SULF1: variants seen among roughly 807,000 people sequenced by gnomAD.
SULF1 encodes extracellular sulfatase Sulf-1.
Under a neutral mutation model 110.5 loss-of-function variants are expected in SULF1, and 46 were observed. The ratio of observed to expected loss-of-function variants is 0.42; its 90% CI spans 0.33 to 0.53. The LOEUF is 0.53. Among genes scored for constraint, SULF1 ranks in the 20% least tolerant of loss-of-function variants. SULF1 has a pLI of 0.12. For synonymous variants in SULF1, 371 were observed against 387.1 expected (o/e 0.96, Z 0.49); for missense variants, 941 against 1,094.2 (o/e 0.86, Z 1.98).
intron 3 of SULF1, among the ~76,000 whole-genome samples, chr8:69,534,531 C>A (rs959105592): frequency 2.2e-4 from 33 of 152,110 alleles, no homozygotes; most frequent in African/African-American, 7.7e-4. Context: ...TATATAAGAA[C>A]AAGTATTCCT....
At chr8:69,552,529 A>T (rs1455005968) in intron 3 of SULF1, among the ~76,000 whole-genome samples, 1 of 152,240 alleles carries the variant, frequency 6.6e-6, no homozygotes, top group Non-Finnish European at 1.5e-5. Context: ...GTGGTACATA[A>T]GGACATTTTT....
chr8:69,477,178 A>G (rs1415358015), intron 1 of SULF1, among the ~76,000 whole-genome samples: 2 of 152,224 alleles, frequency 1.3e-5, no homozygotes, highest in Admixed American at 6.5e-5. Flanking sequence ...TAAGTAGAGA[A>G]GTCAGAAAAA....
chr8:69,537,372 C>A (rs1012068544), intron 3 of SULF1, among the ~76,000 whole-genome samples: 4 of 152,172 alleles, frequency 2.6e-5, no homozygotes, highest in African/African-American at 7.2e-5. Flanking sequence ...TCATACATTT[C>A]TTTTTAATAA....
chr8:69,563,063 G>C (rs552379048), intron 3 of SULF1: 49 of 152,344 alleles, frequency 3.2e-4, no homozygotes, highest in African/African-American at 1.2e-3. Flanking sequence ...GACTCTCCGG[G>C]GTAGAGAATG....
chr8:69,601,106 A>G (rs942347762), intron 9 of SULF1, among the ~76,000 whole-genome samples: 5 of 152,252 alleles, frequency 3.3e-5, no homozygotes, highest in African/African-American at 4.8e-5. Context: ...GCAATTACTC[A>G]GCTCCAGCTA....
At chr8:69,517,399 TGTAA>T in intron 3 of SULF1, among the ~76,000 whole-genome samples, 1 of 152,348 alleles carries the variant, frequency 6.6e-6, no homozygotes, top group African/African-American at 2.4e-5. Flanking sequence ...TCTCAGCTTT[TGTAA>T]GAAGAATAAA....
intron 22 of SULF1, among the ~76,000 whole-genome samples, chr8:69,656,787 G>T (rs970437844): frequency 2.0e-5 from 3 of 152,130 alleles, no homozygotes; most frequent in South Asian, 2.1e-4. Context: ...GAACATACAC[G>T]TGCATATGTC....
Position 69,588,933 on chromosome 8 carries a change from CT to C in SULF1, c.565-35del, listed in dbSNP as rs570761858. On this transcript the variant is annotated intron_variant, in intron 7 of 22. Coordinates refer to ENST00000402687, the MANE Select transcript of SULF1 (RefSeq NM_001128205.2). ...TCAAATGCGATCTGATGAATGTCAC[CT>C]TTTGTAATTTTTGTTTTGTGTCAAA... The C allele has an allele frequency of 3.1e-4, 498 of 1,586,770 alleles. No individual in the cohort carries two copies. In the African/African-American group the frequency reaches 4.3e-3, roughly 14 times the overall value.
chr8:69,503,101 G>A (rs1430445343), intron 3 of SULF1, among the ~76,000 whole-genome samples: 1 of 152,156 alleles, frequency 6.6e-6, no homozygotes, highest in Non-Finnish European at 1.5e-5. Context: ...AGTCTGGCCC[G>A]AATTTCAGGT....
At chr8:69,584,109 A>G (rs1216321069) in intron 6 of SULF1, among the ~76,000 whole-genome samples, 1 of 152,214 alleles carries the variant, frequency 6.6e-6, no homozygotes, top group African/African-American at 2.4e-5. Flanking sequence ...GCAGGCAATG[A>G]GGGTAATCTG....
At chr8:69,653,304 ACGCAATCCTC>A (rs1812492872) in intron 22 of SULF1, among the ~76,000 whole-genome samples, 1 of 152,174 alleles carries the variant, frequency 6.6e-6, no homozygotes, top group Non-Finnish European at 1.5e-5. Context: ...TCCTGGGCTC[ACGCAATCCTC>A]CCATCTCAGC....
intron 15 of SULF1, among the ~76,000 whole-genome samples, chr8:69,625,448 C>T (rs546721908): frequency 2.0e-5 from 3 of 152,296 alleles, no homozygotes; most frequent in Admixed American, 2.0e-4. Flanking sequence ...TGCGGACCCT[C>T]GTGGTGAGTG....
rs371263411 is a variant in SULF1, at chr8:69,615,616, ATG to A, written c.1378-5413_1378-5412del. On this transcript the variant is annotated intron_variant, in intron 13 of 22. Coordinates refer to ENST00000402687, the MANE Select transcript of SULF1 (RefSeq NM_001128205.2). ...ATGTATGGATAATATGTTTGTATGC[ATG>A]TGTGTAGACATATATGCATATATGT... 5.5e-3 allele frequency among the ~76,000 whole-genome samples: 844 copies of A among 152,290 alleles called. 7 individuals are homozygous for A. The highest frequency in any genetic ancestry group is 0.019 in the African/African-American group (798 of 41,568).
At chr8:69,539,817 G>A (rs1199728305) in intron 3 of SULF1, among the ~76,000 whole-genome samples, 3 of 152,182 alleles carry the variant, frequency 2.0e-5, no homozygotes, top group Admixed American at 6.5e-5. Flanking sequence ...CCATTTTGGT[G>A]GAAGTGGAGT....
At chr8:69,651,448 T>C (rs1812340353) in intron 22 of SULF1, among the ~76,000 whole-genome samples, 1 of 152,230 alleles carries the variant, frequency 6.6e-6, no homozygotes. Flanking sequence ...CTGATTTCAA[T>C]TAAAATGCTT....
chr8:69,478,558 G>A (rs1809395910), intron 1 of SULF1, among the ~76,000 whole-genome samples: 2 of 152,054 alleles, frequency 1.3e-5, no homozygotes, highest in South Asian at 2.1e-4. Context: ...CTCCCATCAT[G>A]GTTCTGCATG....
At position 69,586,404 on chromosome 8, in the gene SULF1, C is replaced by A. The variant is rs147245253; in HGVS notation, c.460C>A (p.Pro154Thr). 7 of 1,609,444 alleles carry A rather than the reference C, an allele frequency of 4.3e-6. No individual in the cohort carries two copies. The highest frequency in any genetic ancestry group is 1.7e-5 in the Admixed American group (1 of 59,108). Residue 154 changes from proline (P) to threonine (T), a missense_variant, in exon 7 of 23, where the codon CCT becomes ACT. This residue lies in a region of SULF1 where 822 missense variants were observed against 934.3 expected (regional missense o/e 0.88). Coordinates refer to ENST00000402687, the MANE Select transcript of SULF1 (RefSeq NM_001128205.2). ...TGAATATAATGGCAGCTACATCCCC[C>A]CTGGGTGGCGAGAATGGCTTGGATT... Reference protein sequence around the residue: ...LNEYNGSYIPPGWREWLGLIK... With the variant: ...LNEYNGSYIPTGWREWLGLIK...
At chr8:69,556,937 A>G (rs921476417) in intron 3 of SULF1, among the ~76,000 whole-genome samples, 5 of 151,876 alleles carry the variant, frequency 3.3e-5, no homozygotes, top group Admixed American at 6.6e-5. Flanking sequence ...AGAACCCCCA[A>G]CAGGCCCCAG....
At chr8:69,627,716 C>T (rs1810207405) in intron 16 of SULF1, 56 bp from the exon 17 acceptor site, 2 of 1,196,252 alleles carry the variant, frequency 1.7e-6, no homozygotes, top group Non-Finnish European at 2.4e-6. Context: ...AAGAAAAGTA[C>T]TTTGTAAAGA....
Sources: gnomAD v4.1 joint callset for allele counts (sites outside exome capture counted in the v4.1 genomes callset) on GRCh38, gnomAD v4.1.1 for gene constraint, gnomAD v4.1.1 regional missense constraint, MANE v1.5 for transcripts, NCBI Gene and HGNC (gene_info 2026-07-23, HGNC 2026-07-21) for gene names.